FAM184B: variants seen among roughly 807,000 people sequenced by gnomAD.
The protein encoded by FAM184B is protein FAM184B.
Under a neutral mutation model 135.9 loss-of-function variants are expected in FAM184B, and 111 were observed. The ratio of observed to expected loss-of-function variants is 0.82; its 90% CI spans 0.70 to 0.96. FAM184B has a LOEUF of 0.96. Ranked by LOEUF, FAM184B falls within the 40% of genes least tolerant of loss-of-function variation. The pLI, the probability that FAM184B is intolerant of heterozygous loss-of-function variation, is 0.00. For missense variants in FAM184B, 1,375 were observed against 1,323.9 expected (o/e 1.04, Z -0.60); for synonymous variants, 552 against 524.8 (o/e 1.05, Z -0.71).
At chr4:17,761,139 C>T (rs1472958309) in intron 1 of FAM184B, among the ~76,000 whole-genome samples, 1 of 152,116 alleles carries the variant, frequency 6.6e-6, no homozygotes, top group African/African-American at 2.4e-5. Context: ...AGAAGCCTGC[C>T]CTAAGCCTAA....
At position 17,733,168 on chromosome 4, in the gene FAM184B, G is replaced by T. The variant is rs1246052308; in HGVS notation, c.142-23524C>A. ...ATGCTAAAAACTCTCAATAAATTAG[G>T]TATTGATGGGACGTATCTCAAAATA... is the stretch of plus-strand genomic sequence containing the variant. On this transcript the variant is annotated intron_variant, in intron 1 of 17. Transcript: ENST00000265018. Among the ~76,000 whole-genome samples the T allele has an allele frequency of 2.6e-5, 4 of 151,962 alleles. No homozygotes were observed. In the South Asian group the frequency reaches 8.3e-4, roughly 32 times the overall value.
chr4:17,639,243 CACTT>C lies in FAM184B; in HGVS notation c.2666+3_2666+6del, dbSNP rs1213076346. ...AGACCCTCCCTGGGGCCCGAGGCCT[CACTT>C]ACTCGGCTTCCAGGGCAGCCAGCCG... On this transcript the variant is annotated splice_donor_5th_base_variant and intron_variant, in intron 14 of 17. Transcript: ENST00000265018. 2 of 1,551,378 alleles carry C rather than the reference CACTT, an allele frequency of 1.3e-6. No individual in the cohort carries two copies. The highest frequency in any genetic ancestry group is 1.7e-6 in the Non-Finnish European group (2 of 1,146,786).
chr4:17,733,565 A>C (rs916724273), intron 1 of FAM184B, among the ~76,000 whole-genome samples: 1 of 152,198 alleles, frequency 6.6e-6, no homozygotes, highest in African/African-American at 2.4e-5. Context: ...ATCATGAGTG[A>C]ACTCCCATTC....
intron 9 of FAM184B, among the ~76,000 whole-genome samples, chr4:17,658,914 A>T (rs535125172): frequency 1.3e-5 from 2 of 151,942 alleles, no homozygotes; most frequent in South Asian, 4.2e-4. Flanking sequence ...CCCATGTAGT[A>T]CTACCTCCCC....
At chr4:17,763,672 A>G (rs1718595323) in intron 1 of FAM184B, among the ~76,000 whole-genome samples, 1 of 152,136 alleles carries the variant, frequency 6.6e-6, no homozygotes, top group Admixed American at 6.6e-5. Flanking sequence ...TTTCCAGCCC[A>G]CAGCCCTAAT....
chr4:17,767,401 G>A (rs944540351), intron 1 of FAM184B, among the ~76,000 whole-genome samples: 2 of 152,200 alleles, frequency 1.3e-5, no homozygotes, highest in East Asian at 1.9e-4. Context: ...TGAAAAGAAA[G>A]TTTTGGTTCC....
chr4:17,652,926 T>C lies in FAM184B; in HGVS notation c.2095A>G (p.Thr699Ala). The change falls in exon 11 of 18, where the codon ACA (threonine) becomes GCA (alanine). Residue 699 changes from threonine (T) to alanine (A), a missense_variant. Physicochemically the swap from Thr to Ala is moderately conservative, Grantham distance 58 (BLOSUM62 0). Coordinates refer to ENST00000265018, the MANE Select transcript of FAM184B (RefSeq NM_015688.2). ...AAGGCCTGGAGCTCCAGTCGGTGTGTCTGGTGTTGGATCTGGAGGCTGTGG... is the reference window on the plus strand; with the variant it reads ...AAGGCCTGGAGCTCCAGTCGGTGTGCCTGGTGTTGGATCTGGAGGCTGTGG... ...SSHSLQIQHQ[T>A]HRLELQALEE... 2 of 1,551,712 alleles carry C rather than the reference T, an allele frequency of 1.3e-6. No individual in the cohort carries two copies. The highest frequency in any genetic ancestry group is 1.2e-5 in the South Asian group (1 of 84,068).
At chr4:17,706,431 CA>C (rs1330895688) in intron 3 of FAM184B, among the ~76,000 whole-genome samples, 3 of 152,080 alleles carry the variant, frequency 2.0e-5, no homozygotes, top group Non-Finnish European at 4.4e-5. Context: ...GTCTAGATAC[CA>C]AAGCATGCTG....
Position 17,705,071 on chromosome 4 carries a change from C to T in FAM184B, c.1306G>A (p.Val436Ile), listed in dbSNP as rs1344842320. 6.4e-7 allele frequency: 1 copy of T among 1,551,624 alleles called. No individual in the cohort carries two copies. The highest frequency in any genetic ancestry group is 1.4e-5 in the African/African-American group (1 of 73,034). The change falls in exon 5 of 18, where the codon GTA becomes ATA. Residue 436 changes from valine to isoleucine, a missense_variant. Val to Ile is a conservative substitution (Grantham distance 29, BLOSUM62 3). Transcript: ENST00000265018. ...DQLVKRLEDL[V>I]KKHTVEIKSV... ...TTGATTTCCACGGTGTGCTTCTTTA[C>T]CAAGTCTTCTAGTCGCTTCACTAGC...
rs1468997389 is a variant in FAM184B, at chr4:17,652,906, C to T, written c.2115G>A (p.Gln705=). ...IQHQTHRLEL[Q]ALEEKARQEL... ...CTTGCCTGGCCTTTTCCTCCAAGGC[C>T]TGGAGCTCCAGTCGGTGTGTCTGGT... Residue 705 remains glutamine, a synonymous_variant, in exon 11 of 18, where the codon CAG becomes CAA. Coordinates refer to ENST00000265018, the MANE Select transcript of FAM184B (RefSeq NM_015688.2). 1 of 1,551,784 alleles carries T rather than the reference C, an allele frequency of 6.4e-7. No individual in the cohort carries two copies. The highest frequency in any genetic ancestry group is 8.7e-7 in the Non-Finnish European group (1 of 1,147,004).
In FAM184B at chr4:17,631,292, T is replaced by TC. The variant is rs1291188210; in HGVS notation, c.*1239dup. The TC allele has an allele frequency of 6.6e-6, 1 of 152,218 alleles. No individual in the cohort carries two copies. The highest frequency in any genetic ancestry group is 1.5e-5 in the Non-Finnish European group (1 of 68,094). The allele number at this position is 152,218 out of a possible 1,614,324, so 9.4% of individuals were successfully genotyped here. On this transcript the variant is annotated 3_prime_UTR_variant, in exon 18 of 18. Coordinates refer to ENST00000265018, the MANE Select transcript of FAM184B (RefSeq NM_015688.2). ...GTCTCGAACTCTTGGGCTCATGCTG[T>TC]CCTACCTCAGACTTCCAAGTAGCTG...
intron 1 of FAM184B, among the ~76,000 whole-genome samples, chr4:17,765,581 A>G (rs73800393): frequency 2.0e-5 from 3 of 152,194 alleles, no homozygotes; most frequent in African/African-American, 7.2e-5. Context: ...AAAACAGTAG[A>G]AGCTCTTTGG....
intron 5 of FAM184B, among the ~76,000 whole-genome samples, chr4:17,703,897 C>T (rs1717047409): frequency 6.6e-6 from 1 of 150,686 alleles, no homozygotes; most frequent in South Asian, 2.1e-4. Context: ...CGTCACTGCA[C>T]TCCAGCCTGG....
chr4:17,700,186 TTAA>T (rs1172908364), intron 5 of FAM184B, among the ~76,000 whole-genome samples: 2 of 152,192 alleles, frequency 1.3e-5, no homozygotes, highest in Admixed American at 1.3e-4. Context: ...GATGGTACAC[TTAA>T]TGATAATTAC....
At chr4:17,773,284 G>C in intron 1 of FAM184B, among the ~76,000 whole-genome samples, 1 of 152,194 alleles carries the variant, frequency 6.6e-6, no homozygotes, top group East Asian at 1.9e-4. Flanking sequence ...CAAAACTAAA[G>C]AATCGTAAGG....
chr4:17,686,882 C>T (rs1271863693), intron 7 of FAM184B, among the ~76,000 whole-genome samples: 2 of 152,154 alleles, frequency 1.3e-5, no homozygotes, highest in African/African-American at 2.4e-5. Context: ...GTTGAGGCTG[C>T]GTGAGCTGTG....
At chr4:17,766,954 G>T (rs866437674) in intron 1 of FAM184B, among the ~76,000 whole-genome samples, 1 of 152,188 alleles carries the variant, frequency 6.6e-6, no homozygotes, top group African/African-American at 2.4e-5. Flanking sequence ...CCTGCCCCGC[G>T]GGGAGGCACC....
At chr4:17,682,475 T>C (rs1473092358) in intron 7 of FAM184B, among the ~76,000 whole-genome samples, 1 of 151,960 alleles carries the variant, frequency 6.6e-6, no homozygotes. Flanking sequence ...CTCTCTCTCT[T>C]TTAGATTTCT....
At chr4:17,719,294 G>A (rs1389008373) in intron 1 of FAM184B, among the ~76,000 whole-genome samples, 4 of 152,128 alleles carry the variant, frequency 2.6e-5, no homozygotes, top group Admixed American at 2.0e-4. Flanking sequence ...GGACTACAGC[G>A]CCGATACTCT....
Sources: allele counts gnomAD v4.1 joint callset (sites outside exome capture counted in the v4.1 genomes callset), GRCh38; gene constraint gnomAD v4.1.1; transcripts MANE v1.5; gene names NCBI Gene and HGNC (gene_info 2026-07-23, HGNC 2026-07-21).